ADCK1: variants seen among roughly 807,000 people sequenced by gnomAD.
The protein encoded by ADCK1 is aarF domain-containing protein kinase 1.
In ADCK1, 41 loss-of-function variants were observed where a neutral mutation model predicts 52.3. That is an observed-to-expected ratio of 0.78 (90% CI 0.61 to 1.02). The LOEUF is 1.02. ADCK1 is among the 50% of genes least tolerant of loss of function. The pLI, the probability that ADCK1 is intolerant of heterozygous loss-of-function variation, is 0.00. For missense variants in ADCK1, 658 were observed against 679.5 expected (o/e 0.97, Z 0.35); for synonymous variants, 250 against 274.6 (o/e 0.91, Z 0.89).
chr14:77,917,669 G>A (rs1042604113), intron 7 of ADCK1, among the ~76,000 whole-genome samples: 19 of 151,962 alleles, frequency 1.3e-4, no homozygotes, highest in African/African-American at 4.6e-4. Context: ...ATCACTTATC[G>A]TGAAAGGCAC....
chr14:77,895,750 G>A (rs755218813), intron 5 of ADCK1, among the ~76,000 whole-genome samples: 2 of 152,140 alleles, frequency 1.3e-5, no homozygotes, highest in Non-Finnish European at 2.9e-5. Context: ...ACTTGAACCC[G>A]ACGACTCTTA....
chr14:77,924,809 C>T (rs963369756), intron 8 of ADCK1, among the ~76,000 whole-genome samples: 12 of 152,218 alleles, frequency 7.9e-5, no homozygotes, highest in South Asian at 2.1e-4. Flanking sequence ...GTGAGGGTGA[C>T]GGTACCCCCT....
chr14:77,851,275 G>A (rs1191582318), intron 3 of ADCK1, among the ~76,000 whole-genome samples: 2 of 151,900 alleles, frequency 1.3e-5, no homozygotes, highest in Admixed American at 6.6e-5. Context: ...GTGCCACCAC[G>A]CCTGGCTAAT....
At chr14:77,912,436 G>A (rs1223359478) in intron 7 of ADCK1, among the ~76,000 whole-genome samples, 4 of 29,696 alleles carry the variant, frequency 1.3e-4, no homozygotes, top group African/African-American at 6.8e-4. Flanking sequence ...GGAGGAGCGT[G>A]TGTGTGTGTG....
At chr14:77,897,095 G>C (rs1318299669) in intron 5 of ADCK1, among the ~76,000 whole-genome samples, 2 of 152,200 alleles carry the variant, frequency 1.3e-5, no homozygotes, top group African/African-American at 4.8e-5. Context: ...TTTCTGGAAA[G>C]ATGGGAAGGG....
intron 7 of ADCK1, among the ~76,000 whole-genome samples, chr14:77,911,695 A>T (rs1308099866): frequency 1.3e-5 from 2 of 150,494 alleles, no homozygotes; most frequent in Admixed American, 6.6e-5. Context: ...TGTTGTTGTC[A>T]TTGGGCTATT....
chr14:77,889,781 TCTGGAATCCAGG>T (rs2083241041), intron 5 of ADCK1, among the ~76,000 whole-genome samples: 1 of 151,630 alleles, frequency 6.6e-6, no homozygotes, highest in Admixed American at 6.6e-5. Flanking sequence ...TCCCTGTTGG[TCTGGAATCCAGG>T]CTGGAATACA....
chr14:77,841,848 T>A (rs1451286086), intron 3 of ADCK1, among the ~76,000 whole-genome samples: 8 of 109,652 alleles, frequency 7.3e-5, no homozygotes, highest in East Asian at 2.8e-4. Context: ...TGACACTCTT[T>A]AAAAAAAAAA....
intron 3 of ADCK1, among the ~76,000 whole-genome samples, chr14:77,844,397 T>C (rs1379812308): frequency 1.3e-5 from 2 of 152,172 alleles, no homozygotes; most frequent in African/African-American, 2.4e-5. Flanking sequence ...TAATTTCTTA[T>C]GTTACCACCT....
intron 1 of ADCK1, among the ~76,000 whole-genome samples, chr14:77,818,061 A>C (rs1410793552): frequency 1.3e-5 from 2 of 152,190 alleles, no homozygotes; most frequent in South Asian, 2.1e-4. Context: ...TTCTCTAACC[A>C]AAGTAAATGT....
At chr14:77,868,965 G>A (rs775473644) in intron 4 of ADCK1, among the ~76,000 whole-genome samples, 13 of 152,168 alleles carry the variant, frequency 8.5e-5, no homozygotes, top group Non-Finnish European at 1.3e-4. Context: ...GAAGTTCAGG[G>A]GAAGTTCAGA....
At chr14:77,897,427 A>G (rs2083435427) in intron 5 of ADCK1, among the ~76,000 whole-genome samples, 1 of 152,180 alleles carries the variant, frequency 6.6e-6, no homozygotes, top group Admixed American at 6.5e-5. Flanking sequence ...GTGGTGGGGC[A>G]GCCTTAGGAT....
chr14:77,847,816 C>T (rs939556865), intron 3 of ADCK1, among the ~76,000 whole-genome samples: 5 of 152,156 alleles, frequency 3.3e-5, no homozygotes, highest in Admixed American at 2.6e-4. Flanking sequence ...GTTTCTATAA[C>T]GAGGCCTTCC....
chr14:77,805,557 G>A (rs28544893), intron 1 of ADCK1, among the ~76,000 whole-genome samples: 4,453 of 152,012 alleles, frequency 0.029, 210 homozygotes, highest in African/African-American at 0.1. Flanking sequence ...CCACTGTGCT[G>A]GCCCAAAAAT....
At chr14:77,876,299 C>T (rs1424747561) in intron 4 of ADCK1, among the ~76,000 whole-genome samples, 3 of 152,162 alleles carry the variant, frequency 2.0e-5, no homozygotes, top group African/African-American at 7.2e-5. Flanking sequence ...ATAGCATCTT[C>T]CAGTCTCCCT....
At chr14:77,842,877 T>C (rs989020251) in intron 3 of ADCK1, among the ~76,000 whole-genome samples, 3 of 142,452 alleles carry the variant, frequency 2.1e-5, no homozygotes, top group African/African-American at 8.2e-5. Context: ...TTCTTTTCTT[T>C]TCTTTTCTTT....
chr14:77,925,964 A>AG lies in ADCK1; in HGVS notation c.1206+8dup, dbSNP rs1211998025. On this transcript the variant is annotated splice_donor_region_variant and intron_variant, in intron 9 of 10. Coordinates refer to ENST00000238561, the MANE Select transcript of ADCK1 (RefSeq NM_020421.4). Reference sequence around the variant, plus strand: ...AAGCTCCCGTCACTGCCACTGAGGTAGGGGGCCCCTCCAGGCCCTGCCTCT... The same window carrying AG: ...AAGCTCCCGTCACTGCCACTGAGGTAGGGGGGCCCCTCCAGGCCCTGCCTCT... 6.2e-7 allele frequency: 1 copy of AG among 1,613,784 alleles called. No homozygotes were observed. The highest frequency in any genetic ancestry group is 1.7e-5 in the Admixed American group (1 of 60,028).
At chr14:77,869,397 G>A (rs1167298435) in intron 4 of ADCK1, among the ~76,000 whole-genome samples, 1 of 152,088 alleles carries the variant, frequency 6.6e-6, no homozygotes, top group Non-Finnish European at 1.5e-5. Flanking sequence ...ATCTTCACAT[G>A]GTATCCTCTT....
At chr14:77,889,896 A>C (rs1566705764) in intron 5 of ADCK1, among the ~76,000 whole-genome samples, 1 of 151,500 alleles carries the variant, frequency 6.6e-6, no homozygotes, top group African/African-American at 2.4e-5. Flanking sequence ...TAAAAAAAAA[A>C]AAAAAAAACA....
Sources: gnomAD v4.1 joint callset for allele counts (sites outside exome capture counted in the v4.1 genomes callset) on GRCh38, gnomAD v4.1.1 for gene constraint, MANE v1.5 for transcripts, NCBI Gene and HGNC (gene_info 2026-07-23, HGNC 2026-07-21) for gene names.